SV2C: variants seen among roughly 807,000 people sequenced by gnomAD.
SV2C encodes synaptic vesicle glycoprotein 2C.
A neutral mutation model predicts 79.7 loss-of-function variants in SV2C; 49 were observed. The observed-to-expected ratio is 0.61, with a 90% CI of 0.49 to 0.78. The LOEUF is 0.78. Among genes scored for constraint, SV2C ranks in the 30% least tolerant of loss-of-function variants. The pLI is 0.00. For synonymous variants in SV2C, 334 were observed against 333.2 expected, an observed-to-expected ratio of 1.00 and a Z score of -0.03; for missense variants, 833 against 912.9, an observed-to-expected ratio of 0.91 and a Z score of 1.13.
At chr5:75,848,448 T>A in the SV2C span, among the ~76,000 whole-genome samples, 4 of 152,268 alleles carry the variant, frequency 2.6e-5, no homozygotes, top group South Asian at 8.3e-4. Context: ...GGGAGAAGGA[T>A]GAAGGAAGAC....
chr5:76,329,646 A>G lies in SV2C; in HGVS notation c.*4099A>G, dbSNP rs571108497. 3.6e-4 allele frequency: 55 copies of G among 152,380 alleles called. No individual in the cohort carries two copies. The highest frequency in any genetic ancestry group is 3.4e-3 in the Middle Eastern group (1 of 294). 9.4% of individuals were successfully genotyped at this position (152,380 alleles called of 1,614,324 possible). ...CTTTCTAAATGCTGGGGTCATTTCC[A>G]AAGCAGTCCAGGGGAATACTTTCTG... On this transcript the variant is annotated 3_prime_UTR_variant, in exon 13 of 13. Coordinates refer to ENST00000502798, the MANE Select transcript of SV2C (RefSeq NM_014979.4).
intron 2 of SV2C, among the ~76,000 whole-genome samples, chr5:76,171,814 T>C (rs1743281419): frequency 2.1e-5 from 2 of 93,950 alleles, no homozygotes; most frequent in African/African-American, 7.7e-5. Flanking sequence ...GAGGGGCGCC[T>C]CTGCCCGGCC....
chr5:75,855,461 A>AT, the SV2C span, among the ~76,000 whole-genome samples: 1,070 of 150,622 alleles, frequency 7.1e-3, 5 homozygotes, highest in African/African-American at 0.011. Context: ...TTTGCAGATA[A>AT]TTTTTTTTTT....
the SV2C span, among the ~76,000 whole-genome samples, chr5:75,968,648 C>A: frequency 5.9e-5 from 9 of 152,278 alleles, no homozygotes; most frequent in East Asian, 1.7e-3. Context: ...AAGAAATGAA[C>A]AAAGCCTCCA....
the SV2C span, among the ~76,000 whole-genome samples, chr5:75,917,396 G>C: frequency 8.5e-5 from 13 of 152,276 alleles, no homozygotes; most frequent in African/African-American, 2.9e-4. Flanking sequence ...AATTATGCTT[G>C]ACACTGTGCT....
At chr5:76,049,024 A>AAAG in the SV2C span, among the ~76,000 whole-genome samples, 8 of 120,610 alleles carry the variant, frequency 6.6e-5, 1 homozygote, top group African/African-American at 6.4e-5. Context: ...AGAAAGAAAG[A>AAAG]AAAAGAAAAG....
chr5:76,241,299 CAACTTTCA>C, intron 4 of SV2C, among the ~76,000 whole-genome samples: 1 of 150,140 alleles, frequency 6.7e-6, no homozygotes, highest in East Asian at 2.0e-4. Context: ...CAGTATACAA[CAACTTTCA>C]AACTCCCTTC....
chr5:76,136,529 GTT>G (rs10550410), intron 2 of SV2C, among the ~76,000 whole-genome samples: 22,356 of 147,822 alleles, frequency 0.15, 1,825 homozygotes, highest in East Asian at 0.32. Flanking sequence ...AGTGCTTTAT[GTT>G]TTTTTTTTTC....
chr5:75,862,232 C>T, the SV2C span, among the ~76,000 whole-genome samples: 1 of 152,318 alleles, frequency 6.6e-6, no homozygotes, highest in Non-Finnish European at 1.5e-5. Flanking sequence ...TCTCCTTTCT[C>T]TGCCCCAGCC....
At chr5:76,287,146 A>G (rs1370066129) in intron 6 of SV2C, among the ~76,000 whole-genome samples, 1 of 152,216 alleles carries the variant, frequency 6.6e-6, no homozygotes, top group Non-Finnish European at 1.5e-5. Flanking sequence ...AATTTGTGAA[A>G]AGTTTATTCA....
the SV2C span, among the ~76,000 whole-genome samples, chr5:76,062,066 C>T: frequency 2.6e-5 from 4 of 151,808 alleles, no homozygotes; most frequent in Non-Finnish European, 4.4e-5. Context: ...ACCCCTAAAA[C>T]GTTTATTAAA....
rs148969498 is a variant in SV2C, at chr5:76,333,955, C to T, written c.*8408C>T. On this transcript the variant is annotated 3_prime_UTR_variant, in exon 13 of 13. Coordinates refer to ENST00000502798, the MANE Select transcript of SV2C (RefSeq NM_014979.4). ...TTTTTTGCTCCATTATATTCAAATA[C>T]AGATTGCTGTGTGACTGGCTTCCCT... is the stretch of plus-strand genomic sequence containing the variant. 1.3e-4 allele frequency: 20 copies of T among 151,432 alleles called. No homozygotes were observed. In the East Asian group the frequency reaches 3.9e-3, roughly 29 times the overall value. The allele number at this position is 151,432 out of a possible 1,614,324, so 9.4% of individuals were successfully genotyped here. A position where few individuals can be genotyped will look rare whatever the true frequency, so the allele number is the denominator to read the frequency against.
chr5:75,944,674 C>T, the SV2C span, among the ~76,000 whole-genome samples: 397 of 152,290 alleles, frequency 2.6e-3, 3 homozygotes, highest in African/African-American at 9.1e-3. Flanking sequence ...CTAATATATG[C>T]TAACTGTCAG....
the SV2C span, among the ~76,000 whole-genome samples, chr5:76,016,454 T>C: frequency 7.4e-4 from 112 of 152,174 alleles, no homozygotes; most frequent in African/African-American, 2.6e-3. Context: ...AAAGGGTCTC[T>C]CACCACAAGG....
chr5:76,075,838 G>T, the SV2C span: 1 of 222,448 alleles, frequency 4.5e-6, no homozygotes, highest in South Asian at 9.1e-5. Flanking sequence ...CCCTAAAGTG[G>T]CAGCAGTTCC....
At chr5:76,229,504 C>T (rs2112395286) in intron 4 of SV2C, among the ~76,000 whole-genome samples, 1 of 152,348 alleles carries the variant, frequency 6.6e-6, no homozygotes, top group African/African-American at 2.4e-5. Flanking sequence ...GGAGCCATGT[C>T]AGCTGACCCT....
the SV2C span, among the ~76,000 whole-genome samples, chr5:75,847,645 C>G: frequency 6.6e-6 from 1 of 152,276 alleles, no homozygotes; most frequent in Admixed American, 6.5e-5. Flanking sequence ...CAGCTGATAA[C>G]AAAGTTGACT....
chr5:76,101,741 G>A (rs1361627240), intron 1 of SV2C, among the ~76,000 whole-genome samples: 1 of 152,040 alleles, frequency 6.6e-6, no homozygotes, highest in Admixed American at 6.6e-5. Flanking sequence ...TTCATCCAAA[G>A]GTGGCCAAAA....
At chr5:75,912,961 G>C in the SV2C span, among the ~76,000 whole-genome samples, 1 of 152,208 alleles carries the variant, frequency 6.6e-6, no homozygotes, top group African/African-American at 2.4e-5. Context: ...TTTCCCAAAT[G>C]GCAGGAGAGT....
Sources: gnomAD v4.1 joint callset for allele counts (sites outside exome capture counted in the v4.1 genomes callset) on GRCh38, gnomAD v4.1.1 for gene constraint, MANE v1.5 for transcripts, NCBI Gene and HGNC (gene_info 2026-07-23, HGNC 2026-07-21) for gene names.